RTN3: variants seen among roughly 807,000 people sequenced by gnomAD.
The protein encoded by RTN3 is reticulon 3.
RTN3 carries 49 observed loss-of-function variants against 77.8 expected under a neutral mutation model. The ratio of observed to expected loss-of-function variants is 0.63; its 90% CI spans 0.50 to 0.80. RTN3 has a LOEUF of 0.80. RTN3 is among the 30% of genes least tolerant of loss of function. The pLI is 0.00. For missense variants in RTN3, 1,236 were observed against 1,211.9 expected (o/e 1.02, Z -0.29); for synonymous variants, 464 against 446.9 (o/e 1.04, Z -0.48).
At chr11:63,730,098 C>G (rs563732274) in intron 3 of RTN3, among the ~76,000 whole-genome samples, 1 of 152,240 alleles carries the variant, frequency 6.6e-6, no homozygotes, top group South Asian at 2.1e-4. Flanking sequence ...TCCCAAGTAG[C>G]TGGGATTACA....
chr11:63,711,856 G>A (rs1490695521), intron 2 of RTN3, among the ~76,000 whole-genome samples: 32 of 152,188 alleles, frequency 2.1e-4, no homozygotes, highest in Non-Finnish European at 2.9e-5. Flanking sequence ...GAGCCACCGC[G>A]CTGGGCCCTA....
chr11:63,729,502 G>C (rs1218816265), intron 3 of RTN3, among the ~76,000 whole-genome samples: 3 of 125,916 alleles, frequency 2.4e-5, no homozygotes, highest in African/African-American at 9.4e-5. Flanking sequence ...CTGTATCCCA[G>C]TCTGGAGTGC....
chr11:63,720,654 A>G lies in RTN3; in HGVS notation c.2152A>G (p.Asn718Asp). The G allele has an allele frequency of 6.2e-7, 1 of 1,614,062 alleles. No homozygotes were observed. The highest frequency in any genetic ancestry group is 8.5e-7 in the Non-Finnish European group (1 of 1,179,990). The change falls in exon 3 of 9, where the codon AAT becomes GAT. Residue 718 changes from asparagine to aspartate, a missense_variant. Physicochemically the swap from Asn to Asp is conservative, Grantham distance 23. This residue lies in a region of RTN3 where 1,056 missense variants were observed against 990.4 expected (regional missense o/e 1.07). Transcript: ENST00000377819. ...ATACAGTGAACAAAGCAAAGAAACA[A>G]ATGGAAGTGAGCCTCTAGGTGTTTT... ...SKYSEQSKET[N>D]GSEPLGVFPT...
At chr11:63,708,303 C>T (rs1169151828) in intron 2 of RTN3, among the ~76,000 whole-genome samples, 1 of 151,762 alleles carries the variant, frequency 6.6e-6, no homozygotes, top group African/African-American at 2.4e-5. Flanking sequence ...TTTTATATAC[C>T]CCAATCATAT....
intron 2 of RTN3, among the ~76,000 whole-genome samples, chr11:63,707,769 G>A (rs1324646952): frequency 1.3e-5 from 2 of 152,108 alleles, no homozygotes; most frequent in Non-Finnish European, 2.9e-5. Flanking sequence ...GGGGGACAGA[G>A]GTTGCAGTGA....
At chr11:63,756,256 C>A in intron 8 of RTN3, 86 bp downstream of exon 8, 5 of 837,442 alleles carry the variant, frequency 6.0e-6, no homozygotes, top group Admixed American at 2.3e-5. Context: ...ATGCAGATGC[C>A]AAGGAAAGTA....
intron 3 of RTN3, among the ~76,000 whole-genome samples, chr11:63,747,499 C>CT (rs2013867321): frequency 6.6e-6 from 1 of 152,200 alleles, no homozygotes; most frequent in African/African-American, 2.4e-5. Context: ...GTCATAATAC[C>CT]TTCTCTTTCT....
At chr11:63,734,640 G>A (rs141677140) in intron 3 of RTN3, among the ~76,000 whole-genome samples, 1,610 of 152,044 alleles carry the variant, frequency 0.011, 24 homozygotes, top group African/African-American at 0.036. Flanking sequence ...GCTGAGGCAG[G>A]AGAATTGCTT....
At chr11:63,685,976 A>C (rs1339008424) in intron 1 of RTN3, among the ~76,000 whole-genome samples, 1 of 152,314 alleles carries the variant, frequency 6.6e-6, no homozygotes, top group East Asian at 1.9e-4. Context: ...ATCAGGGGTC[A>C]GGATGGCTTC....
chr11:63,758,762 T>G lies in RTN3; in HGVS notation c.*561T>G, dbSNP rs2014518679. ...TTAACTATCAACTTGATAAATAACT[T>G]ATAGGTGATAGTGATAATTCCTGAT... On this transcript the variant is annotated 3_prime_UTR_variant, in exon 9 of 9. Transcript: ENST00000377819. 1 of 167,408 alleles carries G rather than the reference T, an allele frequency of 6.0e-6. No homozygotes were observed. The highest frequency in any genetic ancestry group is 6.4e-5 in the Admixed American group (1 of 15,732). 10.4% of individuals were successfully genotyped at this position (167,408 alleles called of 1,614,324 possible). A position where few individuals can be genotyped will look rare whatever the true frequency, so the allele number is the denominator to read the frequency against.
At chr11:63,717,798 G>A (rs896968094) in intron 2 of RTN3, among the ~76,000 whole-genome samples, 1 of 151,804 alleles carries the variant, frequency 6.6e-6, no homozygotes, top group Admixed American at 6.6e-5. Flanking sequence ...TGGATCACTT[G>A]AGGTCAGGAG....
chr11:63,731,686 C>T (rs2012703315), intron 3 of RTN3, among the ~76,000 whole-genome samples: 1 of 152,058 alleles, frequency 6.6e-6, no homozygotes, highest in Non-Finnish European at 1.5e-5. Context: ...TGAACTCTCG[C>T]TCTGTCACCA....
intron 1 of RTN3, among the ~76,000 whole-genome samples, chr11:63,688,247 G>A (rs1253855739): frequency 3.6e-5 from 5 of 137,500 alleles, no homozygotes; most frequent in African/African-American, 1.1e-4. Context: ...TTTTTGAGAC[G>A]GAGTCTCGCT....
chr11:63,731,899 C>T (rs1209144584), intron 3 of RTN3, among the ~76,000 whole-genome samples: 3 of 152,174 alleles, frequency 2.0e-5, no homozygotes, highest in South Asian at 2.1e-4. Context: ...GATCCGTCCA[C>T]GTTGGCCTCC....
chr11:63,756,629 T>C (rs2135070318), intron 8 of RTN3, among the ~76,000 whole-genome samples: 1 of 152,162 alleles, frequency 6.6e-6, no homozygotes, highest in African/African-American at 2.4e-5. Flanking sequence ...GGAGACAGGG[T>C]CTTGCTTTGT....
intron 2 of RTN3, among the ~76,000 whole-genome samples, chr11:63,707,298 A>G (rs1942544221): frequency 6.6e-6 from 1 of 152,170 alleles, no homozygotes; most frequent in Non-Finnish European, 1.5e-5. Flanking sequence ...TTGAAAAGAT[A>G]ACTGTCATAG....
At chr11:63,721,378 T>C (rs1361819855) in intron 3 of RTN3, among the ~76,000 whole-genome samples, 2 of 151,978 alleles carry the variant, frequency 1.3e-5, no homozygotes, top group Non-Finnish European at 2.9e-5. Context: ...ATTGAGACCA[T>C]CCTGGCTAAC....
At chr11:63,711,752 C>G (rs1426659254) in intron 2 of RTN3, among the ~76,000 whole-genome samples, 1 of 152,090 alleles carries the variant, frequency 6.6e-6, no homozygotes, top group Non-Finnish European at 1.5e-5. Context: ...TTAGTAGAGA[C>G]AGGGTTTCTC....
At chr11:63,729,786 A>G (rs1364881526) in intron 3 of RTN3, among the ~76,000 whole-genome samples, 1 of 151,322 alleles carries the variant, frequency 6.6e-6, no homozygotes, top group Non-Finnish European at 1.5e-5. Flanking sequence ...ATGTAATGGT[A>G]CTATAAATAT....
Sources: allele counts gnomAD v4.1 joint callset (sites outside exome capture counted in the v4.1 genomes callset), GRCh38; gene constraint gnomAD v4.1.1; regional missense constraint gnomAD v4.1.1; transcripts MANE v1.5; gene names NCBI Gene and HGNC (gene_info 2026-07-23, HGNC 2026-07-21).